Variants in XRCC4 observed in about 807,000 individuals in gnomAD.
XRCC4 encodes X-ray repair cross complementing 4, also known as DNA repair protein XRCC4.
In XRCC4, 28 loss-of-function variants were observed where a neutral mutation model predicts 39.1. The observed-to-expected ratio is 0.72, with a 90% CI of 0.53 to 0.98. The LOEUF (loss-of-function observed/expected upper bound fraction) is 0.98. Ranked by LOEUF, XRCC4 falls within the 50% of genes least tolerant of loss-of-function variation. XRCC4 has a pLI of 0.00. For synonymous variants in XRCC4, 123 were observed against 126.4 expected (o/e 0.97, Z 0.18); for missense variants, 350 against 376.4 (o/e 0.93, Z 0.58).
chr5:83,240,739 ACC>A, intron 6 of XRCC4, among the ~76,000 whole-genome samples: 1 of 152,292 alleles, frequency 6.6e-6, no homozygotes, highest in Non-Finnish European at 1.5e-5. Context: ...GAGTGAGATC[ACC>A]AGGAAAAACC....
chr5:83,175,811 G>T (rs1749927906), intron 3 of XRCC4, among the ~76,000 whole-genome samples: 1 of 152,114 alleles, frequency 6.6e-6, no homozygotes, highest in Non-Finnish European at 1.5e-5. Flanking sequence ...GTTTTGCCGT[G>T]TTGGCCAGGC....
At chr5:83,285,592 A>C (rs1268509312) in intron 7 of XRCC4, among the ~76,000 whole-genome samples, 1 of 152,178 alleles carries the variant, frequency 6.6e-6, no homozygotes, top group Non-Finnish European at 1.5e-5. Flanking sequence ...TAAAGGAATC[A>C]AAAGAGTGTC....
In XRCC4 at chr5:83,164,420, A is replaced by T. The variant is rs567189684; in HGVS notation, c.316-31350A>T. On this transcript the variant is annotated intron_variant, in intron 3 of 7. Transcript: ENST00000396027. The stretch of plus-strand genomic sequence containing the variant: ...AAAATCAAAAACAACAAATTTAAAC[A>T]TTTACAGTTTGGGACCTAATTTAAG... Among the ~76,000 whole-genome samples, 3 of 152,286 alleles carry T rather than the reference A, an allele frequency of 2.0e-5. No individual in the cohort carries two copies. In the South Asian group the frequency reaches 6.2e-4, roughly 32 times the overall value.
intron 7 of XRCC4, among the ~76,000 whole-genome samples, chr5:83,347,197 CT>C (rs1756942005): frequency 6.6e-6 from 1 of 151,970 alleles, no homozygotes; most frequent in South Asian, 2.1e-4. Flanking sequence ...AAATATCAAG[CT>C]GCAAAACTAT....
intron 1 of XRCC4, among the ~76,000 whole-genome samples, chr5:83,094,865 A>G (rs1745602962): frequency 6.8e-6 from 1 of 146,996 alleles, no homozygotes; most frequent in Non-Finnish European, 1.5e-5. Flanking sequence ...TAACTTTTTA[A>G]TAAGGATTAT....
At chr5:83,365,596 T>C in the XRCC4 span, among the ~76,000 whole-genome samples, 1 of 152,168 alleles carries the variant, frequency 6.6e-6, no homozygotes, top group South Asian at 2.1e-4. Flanking sequence ...CCTTTGTGCC[T>C]GGCTTTCATT....
At chr5:83,120,013 AAAC>A (rs1177608328) in intron 3 of XRCC4, among the ~76,000 whole-genome samples, 2 of 151,270 alleles carry the variant, frequency 1.3e-5, no homozygotes, top group African/African-American at 2.4e-5. Context: ...AAAAAAAAAA[AAAC>A]AATAACAGAA....
At chr5:83,274,485 A>G (rs1580453314) in intron 7 of XRCC4, among the ~76,000 whole-genome samples, 1 of 152,342 alleles carries the variant, frequency 6.6e-6, no homozygotes, top group Non-Finnish European at 1.5e-5. Context: ...GATAGAAGAC[A>G]TGGTGGGGAG....
chr5:83,213,647 A>C (rs985483414), intron 6 of XRCC4, among the ~76,000 whole-genome samples: 7 of 152,206 alleles, frequency 4.6e-5, no homozygotes, highest in African/African-American at 1.4e-4. Flanking sequence ...TAATGAAATT[A>C]TACCAATTCC....
intron 5 of XRCC4, 64 bp from the exon 6 acceptor site, chr5:83,204,751 A>G: frequency 8.4e-7 from 1 of 1,196,010 alleles, no homozygotes; most frequent in Non-Finnish European, 1.2e-6. Context: ...TTGCTTACTG[A>G]TAAATCTGCT....
At chr5:83,292,984 A>G (rs983645321) in intron 7 of XRCC4, among the ~76,000 whole-genome samples, 2 of 152,100 alleles carry the variant, frequency 1.3e-5, no homozygotes, top group Middle Eastern at 3.4e-3. Flanking sequence ...CACAATTGTC[A>G]TAAACAATAG....
At chr5:83,111,226 T>C in intron 3 of XRCC4, 23 bp downstream of exon 3, 3 of 1,543,516 alleles carry the variant, frequency 1.9e-6, no homozygotes, top group Non-Finnish European at 2.6e-6. Flanking sequence ...TTCCAAAATG[T>C]TACATAGTAA....
At chr5:83,149,575 G>C (rs1357825800) in intron 3 of XRCC4, among the ~76,000 whole-genome samples, 5 of 152,084 alleles carry the variant, frequency 3.3e-5, no homozygotes, top group Admixed American at 6.6e-5. Flanking sequence ...GATCAAAGAA[G>C]TTGCATTTCT....
chr5:83,311,493 C>T (rs1039802911), intron 7 of XRCC4, among the ~76,000 whole-genome samples: 3 of 151,840 alleles, frequency 2.0e-5, no homozygotes, highest in African/African-American at 4.8e-5. Flanking sequence ...ACATCTATTA[C>T]GTATCAATTA....
intron 3 of XRCC4, among the ~76,000 whole-genome samples, chr5:83,136,929 A>T (rs544258070): frequency 6.6e-6 from 1 of 152,330 alleles, no homozygotes; most frequent in Non-Finnish European, 1.5e-5. Context: ...GGTTGCTAAG[A>T]GGATGGATCC....
chr5:83,335,235 C>A (rs1756558855), intron 7 of XRCC4, among the ~76,000 whole-genome samples: 1 of 151,772 alleles, frequency 6.6e-6, no homozygotes, highest in Admixed American at 6.6e-5. Context: ...AAATATAAAA[C>A]TTTTTCCTTA....
the XRCC4 span, among the ~76,000 whole-genome samples, chr5:83,363,516 G>A: frequency 2.0e-5 from 3 of 152,148 alleles, no homozygotes; most frequent in Admixed American, 6.6e-5. Flanking sequence ...CTATTTCTTT[G>A]CTGACTGTGT....
At chr5:83,132,392 A>ACGTT (rs1747640551) in intron 3 of XRCC4, among the ~76,000 whole-genome samples, 2 of 151,536 alleles carry the variant, frequency 1.3e-5, no homozygotes, top group South Asian at 4.2e-4. Flanking sequence ...TATCTTTGTG[A>ACGTT]CGTTGTCTGT....
chr5:83,113,441 A>G (rs1746545044), intron 3 of XRCC4, among the ~76,000 whole-genome samples: 1 of 152,014 alleles, frequency 6.6e-6, no homozygotes, highest in African/African-American at 2.4e-5. Context: ...CGGTGGATCT[A>G]CCATTCTGGG....
Sources: gnomAD v4.1 joint callset for allele counts (sites outside exome capture counted in the v4.1 genomes callset) on GRCh38, gnomAD v4.1.1 for gene constraint, MANE v1.5 for transcripts, NCBI Gene and HGNC (gene_info 2026-07-23, HGNC 2026-07-21) for gene names.